PRKN: variants seen among roughly 807,000 people sequenced by gnomAD.
PRKN encodes parkin RBR E3 ubiquitin protein ligase.
A neutral mutation model predicts 59.5 loss-of-function variants in PRKN; 56 were observed. The ratio of observed to expected loss-of-function variants is 0.94; its 90% confidence interval spans 0.76 to 1.18. The LOEUF is 1.18. PRKN is among the 50% of genes most tolerant of loss of function. PRKN has a pLI of 0.00. For missense variants in PRKN, 657 were observed against 596.4 expected (o/e 1.10, Z -1.06); for synonymous variants, 250 against 222.1 (o/e 1.13, Z -1.12).
At chr6:162,468,722 G>T (rs1791560751) in intron 1 of PRKN, among the ~76,000 whole-genome samples, 1 of 152,186 alleles carries the variant, frequency 6.6e-6, no homozygotes, top group African/African-American at 2.4e-5. Context: ...TGAGCTTGAG[G>T]CTAGAGTAAT....
chr6:162,554,538 G>A (rs2846565), intron 1 of PRKN, among the ~76,000 whole-genome samples: 36,684 of 151,606 alleles, frequency 0.24, 5,699 homozygotes, highest in Non-Finnish European at 0.35. Context: ...AAAACGGACA[G>A]AATTTGGAGA....
chr6:162,483,585 C>T (rs572259437), intron 1 of PRKN, among the ~76,000 whole-genome samples: 12 of 150,352 alleles, frequency 8.0e-5, no homozygotes, highest in African/African-American at 2.5e-4. Context: ...GAGAGGGAGA[C>T]GGGGAAAGGA....
intron 7 of PRKN, among the ~76,000 whole-genome samples, chr6:161,614,132 C>CA (rs1782601733): frequency 1.3e-5 from 2 of 152,278 alleles, no homozygotes; most frequent in South Asian, 4.2e-4. Context: ...ATGCATGCCT[C>CA]CACCTTTCTC....
intron 4 of PRKN, among the ~76,000 whole-genome samples, chr6:162,132,573 C>G (rs919947961): frequency 2.0e-5 from 3 of 152,076 alleles, no homozygotes; most frequent in African/African-American, 7.2e-5. Flanking sequence ...TTGAAATGTA[C>G]TGGAATAATA....
In PRKN at chr6:161,502,876, G is replaced by A. The variant is rs1649097305; in HGVS notation, c.1083+45978C>T. ...AAAAACCTGACTCCACAGCTTAGTA[G>A]GTGCGTAACCCTGGGGATGTCGCTT... On this transcript the variant is annotated intron_variant, in intron 9 of 11. Transcript: ENST00000366898. The surrounding 1 kb of genome is among the most constrained non-coding windows in gnomAD (Gnocchi z 4.0). Among the ~76,000 whole-genome samples, 1 of 152,104 alleles carries A rather than the reference G, an allele frequency of 6.6e-6. No homozygotes were observed. The highest frequency in any genetic ancestry group is 2.4e-5 in the African/African-American group (1 of 41,412).
chr6:162,032,691 C>T (rs150671948), intron 5 of PRKN, among the ~76,000 whole-genome samples: 34 of 152,250 alleles, frequency 2.2e-4, no homozygotes, highest in African/African-American at 7.7e-4. Flanking sequence ...GTATAGCTAA[C>T]GGTCACTGCT....
chr6:162,643,004 T>G (rs1359149277), intron 1 of PRKN, among the ~76,000 whole-genome samples: 3 of 152,188 alleles, frequency 2.0e-5, no homozygotes, highest in Non-Finnish European at 4.4e-5. Context: ...TTGTATATCC[T>G]TATCTATTTT....
chr6:162,323,495 A>G (rs1008422032), intron 2 of PRKN, among the ~76,000 whole-genome samples: 2 of 152,038 alleles, frequency 1.3e-5, no homozygotes, highest in African/African-American at 2.4e-5. Context: ...TGCAAATCAC[A>G]TATTTGATAT....
chr6:161,397,326 T>C lies in PRKN; in HGVS notation c.1084-10449A>G, dbSNP rs1786809144. Reference sequence around the variant, plus strand: ...TGAAGGACAATTGTGTACTCCATGATACAATGCACAATCATGGGTTGAATT... The same window carrying C: ...TGAAGGACAATTGTGTACTCCATGACACAATGCACAATCATGGGTTGAATT... On this transcript the variant is annotated intron_variant, in intron 9 of 11. Coordinates refer to ENST00000366898, the MANE Select transcript of PRKN (RefSeq NM_004562.3). This position sits in a 1 kb window ranked among gnomAD's most constrained non-coding sequence, Gnocchi z 4.2. Among the ~76,000 whole-genome samples, 1 of 152,204 alleles carries C rather than the reference T, an allele frequency of 6.6e-6. No homozygotes were observed. Among genetic ancestry groups the C allele is most frequent in the African/African-American group, 2.4e-5 (1 of 41,454 alleles).
In PRKN at chr6:161,991,073, C is replaced by G. The variant is rs901380464; in HGVS notation, c.619-17656G>C. On this transcript the variant is annotated intron_variant, in intron 5 of 11. Transcript: ENST00000366898. ...AGCAGATTTCACAGCAGAAACCTTA[C>G]AGGCAAGAGAGAATAGGATGATATA... is the stretch of plus-strand genomic sequence containing the variant. 3.9e-5 allele frequency among the ~76,000 whole-genome samples: 6 copies of G among 152,100 alleles called. No individual in the cohort carries two copies. The East Asian group carries it at 1.2e-3, about 29-fold the overall frequency.
intron 7 of PRKN, among the ~76,000 whole-genome samples, chr6:161,686,997 C>T (rs1785581872): frequency 6.6e-6 from 1 of 152,096 alleles, no homozygotes; most frequent in Non-Finnish European, 1.5e-5. Flanking sequence ...TTGCTGTGCA[C>T]TTTATAGAGA....
intron 11 of PRKN, among the ~76,000 whole-genome samples, chr6:161,358,788 C>CTTTTTTTTTTTT (rs34428983): frequency 1.5e-5 from 1 of 67,820 alleles, no homozygotes; most frequent in Non-Finnish European, 2.6e-5. Flanking sequence ...GCCTTCTGCT[C>CTTTTTTTTTTTT]TTTTTTTTTT....
intron 7 of PRKN, among the ~76,000 whole-genome samples, chr6:161,676,982 C>G (rs1244232642): frequency 6.6e-6 from 1 of 152,172 alleles, no homozygotes; most frequent in Non-Finnish European, 1.5e-5. Context: ...AAGGAGAATG[C>G]ACAAAACCAC....
chr6:161,926,329 G>T (rs1479118168), intron 6 of PRKN, among the ~76,000 whole-genome samples: 2 of 152,130 alleles, frequency 1.3e-5, no homozygotes, highest in Non-Finnish European at 2.9e-5. Context: ...GCTGAGTGAT[G>T]ATTCCTTTGT....
chr6:162,417,866 T>G (rs1251623871), intron 2 of PRKN, among the ~76,000 whole-genome samples: 2 of 152,200 alleles, frequency 1.3e-5, no homozygotes, highest in African/African-American at 4.8e-5. Context: ...TTCACCTTCA[T>G]AGTAGACTTT....
intron 7 of PRKN, among the ~76,000 whole-genome samples, chr6:161,587,743 C>T (rs1583264483): frequency 1.3e-5 from 2 of 152,102 alleles, no homozygotes; most frequent in Non-Finnish European, 2.9e-5. Flanking sequence ...GTGCACCCAT[C>T]ACCCAAGCAA....
At chr6:161,888,163 G>T (rs1795221367) in intron 6 of PRKN, among the ~76,000 whole-genome samples, 1 of 152,100 alleles carries the variant, frequency 6.6e-6, no homozygotes, top group Non-Finnish European at 1.5e-5. Context: ...TATCAGATGT[G>T]ATTTGAACAT....
intron 2 of PRKN, among the ~76,000 whole-genome samples, chr6:162,353,138 C>G (rs1784694183): frequency 6.6e-6 from 1 of 152,154 alleles, no homozygotes; most frequent in African/African-American, 2.4e-5. Flanking sequence ...CCACCATGCT[C>G]TCAACCTCAT....
intron 7 of PRKN, among the ~76,000 whole-genome samples, chr6:161,637,246 G>A (rs918117270): frequency 2.6e-5 from 4 of 152,140 alleles, no homozygotes; most frequent in Admixed American, 6.5e-5. Context: ...CTTCTGCACC[G>A]CCACTTAAAT....
Sources: allele counts gnomAD v4.1 joint callset (sites outside exome capture counted in the v4.1 genomes callset), GRCh38; gene constraint gnomAD v4.1.1; non-coding constraint Gnocchi (gnomAD v3.1); transcripts MANE v1.5; gene names NCBI Gene and HGNC (gene_info 2026-07-23, HGNC 2026-07-21).